The following UBE2E2 variants were observed in gnomAD, a reference collection of about 807,000 sequenced individuals.
UBE2E2 encodes the protein ubiquitin-conjugating enzyme E2 E2.
In UBE2E2, 6 loss-of-function variants were observed where a neutral mutation model predicts 24.7. That is an observed-to-expected ratio of 0.24 (90% CI 0.13 to 0.48). UBE2E2 has a LOEUF of 0.48. UBE2E2 is among the 20% of genes least tolerant of loss of function. The pLI is 0.99. For synonymous variants in UBE2E2, 104 were observed against 83.6 expected (o/e 1.24, Z -1.33); for missense variants, 169 against 245.0 (o/e 0.69, Z 2.07).
intron 3 of UBE2E2, among the ~76,000 whole-genome samples, chr3:23,318,794 A>G (rs577653084): frequency 1.1e-4 from 16 of 152,308 alleles, no homozygotes; most frequent in African/African-American, 3.8e-4. Context: ...AGCATTCAAG[A>G]TGAAATTTGG....
intron 3 of UBE2E2, among the ~76,000 whole-genome samples, chr3:23,338,269 A>C (rs774843040): frequency 2.6e-5 from 4 of 152,202 alleles, no homozygotes; most frequent in African/African-American, 4.8e-5. Flanking sequence ...CTTTATGTGT[A>C]GTTTAAGATT....
chr3:23,308,305 A>C (rs1699287839), intron 3 of UBE2E2, among the ~76,000 whole-genome samples: 1 of 152,112 alleles, frequency 6.6e-6, no homozygotes. Context: ...TGTAGTTTTT[A>C]TTTCTTTAGG....
intron 3 of UBE2E2, among the ~76,000 whole-genome samples, chr3:23,392,149 T>C (rs1462415201): frequency 6.6e-6 from 1 of 152,196 alleles, no homozygotes; most frequent in Non-Finnish European, 1.5e-5. Flanking sequence ...GAGTCTGTTA[T>C]GCATTATGCT....
chr3:23,437,891 A>G (rs144838612), intron 3 of UBE2E2, among the ~76,000 whole-genome samples: 1 of 152,354 alleles, frequency 6.6e-6, no homozygotes, highest in Non-Finnish European at 1.5e-5. Context: ...AAACACAGAG[A>G]TTCCATGAAA....
At chr3:23,497,255 A>G (rs536409155) in intron 3 of UBE2E2, among the ~76,000 whole-genome samples, 13 of 152,268 alleles carry the variant, frequency 8.5e-5, no homozygotes, top group Middle Eastern at 6.8e-3. Flanking sequence ...GGCCCTTCGT[A>G]TGGATCCCAT....
chr3:23,273,208 A>G (rs1698293575), intron 3 of UBE2E2, among the ~76,000 whole-genome samples: 1 of 152,236 alleles, frequency 6.6e-6, no homozygotes, highest in Non-Finnish European at 1.5e-5. Context: ...AAATTCTCAC[A>G]AAAGTTGTTG....
intron 3 of UBE2E2, among the ~76,000 whole-genome samples, chr3:23,251,092 C>T (rs901900129): frequency 2.0e-5 from 3 of 152,180 alleles, no homozygotes; most frequent in African/African-American, 7.2e-5. Flanking sequence ...CTCCTGGGCT[C>T]AGTCCTCCCA....
chr3:23,269,056 G>C (rs1453991628), intron 3 of UBE2E2, among the ~76,000 whole-genome samples: 1 of 151,870 alleles, frequency 6.6e-6, no homozygotes. Flanking sequence ...ATTAATTCAA[G>C]ATGGATTAGA....
At chr3:23,375,841 C>T (rs887526355) in intron 3 of UBE2E2, among the ~76,000 whole-genome samples, 6 of 152,058 alleles carry the variant, frequency 3.9e-5, no homozygotes, top group African/African-American at 7.2e-5. Context: ...GTTATTACAC[C>T]AGAATCTTTC....
At chr3:23,401,113 C>G (rs2125371183) in intron 3 of UBE2E2, among the ~76,000 whole-genome samples, 1 of 152,260 alleles carries the variant, frequency 6.6e-6, no homozygotes, top group Non-Finnish European at 1.5e-5. Flanking sequence ...TAGAAGGAAT[C>G]ATCATGTTAC....
intron 5 of UBE2E2, among the ~76,000 whole-genome samples, chr3:23,540,388 TTTTGTTTGTTTG>T (rs112747673): frequency 8.6e-4 from 127 of 148,358 alleles, no homozygotes; most frequent in Middle Eastern, 3.4e-3. Context: ...TTTGATGCCC[TTTTGTTTGTTTG>T]TTTGTTTGTT....
At chr3:23,537,965 A>G (rs1695304817) in intron 5 of UBE2E2, among the ~76,000 whole-genome samples, 1 of 152,204 alleles carries the variant, frequency 6.6e-6, no homozygotes, top group Non-Finnish European at 1.5e-5. Flanking sequence ...GTAGGATTCT[A>G]GTGCTTACAC....
At chr3:23,575,745 C>T (rs1028789466) in intron 5 of UBE2E2, among the ~76,000 whole-genome samples, 1 of 152,024 alleles carries the variant, frequency 6.6e-6, no homozygotes, top group Non-Finnish European at 1.5e-5. Flanking sequence ...ATACAGTGGT[C>T]CAGGAATCTG....
chr3:23,318,604 A>G (rs1163552117), intron 3 of UBE2E2, among the ~76,000 whole-genome samples: 1 of 152,050 alleles, frequency 6.6e-6, no homozygotes, highest in Non-Finnish European at 1.5e-5. Context: ...ATGTGGTGGC[A>G]GGCATGAGAG....
chr3:23,274,600 G>C (rs976376911), intron 3 of UBE2E2, among the ~76,000 whole-genome samples: 2 of 151,928 alleles, frequency 1.3e-5, no homozygotes, highest in African/African-American at 4.8e-5. Context: ...GGGCTAAAGT[G>C]ATCTTCCTGC....
intron 5 of UBE2E2, among the ~76,000 whole-genome samples, chr3:23,535,418 G>A (rs995032581): frequency 1.3e-5 from 2 of 152,062 alleles, no homozygotes; most frequent in Non-Finnish European, 2.9e-5. Context: ...TTGACACTTG[G>A]ATTTTACAAT....
chr3:23,209,015 C>T (rs1168361202), intron 2 of UBE2E2, 140 bp downstream of exon 2: 5 of 951,212 alleles, frequency 5.3e-6, no homozygotes, highest in Admixed American at 3.1e-5. Context: ...AAGATGATCT[C>T]GTTTACATGG....
chr3:23,222,940 A>G (rs546676865), intron 3 of UBE2E2, among the ~76,000 whole-genome samples: 21 of 151,282 alleles, frequency 1.4e-4, no homozygotes, highest in African/African-American at 2.4e-4. Flanking sequence ...CATTGTAGCA[A>G]TGTTGAGCAT....
At chr3:23,343,098 A>ATG (rs1553603937) in intron 3 of UBE2E2, among the ~76,000 whole-genome samples, 3 of 101,598 alleles carry the variant, frequency 3.0e-5, no homozygotes, top group African/African-American at 7.3e-5. Flanking sequence ...ACATATTAGT[A>ATG]TGTATATATA....
Sources: allele counts gnomAD v4.1 joint callset (sites outside exome capture counted in the v4.1 genomes callset), GRCh38; gene constraint gnomAD v4.1.1; transcripts MANE v1.5; gene names NCBI Gene and HGNC (gene_info 2026-07-23, HGNC 2026-07-21).